ABCA1: variants seen among roughly 807,000 people sequenced by gnomAD.
The protein encoded by ABCA1 is phospholipid-transporting ATPase ABCA1.
In ABCA1, 133 loss-of-function variants were observed where a neutral mutation model predicts 262.5. The ratio of observed to expected loss-of-function variants is 0.51; its 90% CI spans 0.44 to 0.59. The LOEUF is 0.59. Among genes scored for constraint, ABCA1 ranks in the 20% least tolerant of loss-of-function variants. The pLI, the probability that ABCA1 is intolerant of heterozygous loss-of-function variation, is 0.00. For synonymous variants in ABCA1, 1,022 were observed against 1,043.5 expected (o/e 0.98, Z 0.40); for missense variants, 2,452 against 2,777.5 (o/e 0.88, Z 2.63).
intron 1 of ABCA1, among the ~76,000 whole-genome samples, chr9:104,920,096 T>A (rs72735013): frequency 0.03 from 4,579 of 152,322 alleles, 96 homozygotes; most frequent in Middle Eastern, 0.071. Context: ...TCAAGTAGTA[T>A]CATTTTACAG....
At chr9:104,874,838 G>T (rs1414915632) in intron 5 of ABCA1, among the ~76,000 whole-genome samples, 14 of 141,858 alleles carry the variant, frequency 9.9e-5, no homozygotes, top group African/African-American at 3.1e-4. Context: ...GCCAGCCCCC[G>T]CCCGGCCAGC....
chr9:104,867,370 G>A (rs186054535), intron 5 of ABCA1, among the ~76,000 whole-genome samples: 10 of 152,316 alleles, frequency 6.6e-5, no homozygotes, highest in Non-Finnish European at 1.5e-4. Flanking sequence ...TAAGGTGCCC[G>A]GTAAAGGATG....
Position 104,788,389 on chromosome 9 carries a change from C to G in ABCA1, c.6069+37G>C, listed in dbSNP as rs749478592. On this transcript the variant is annotated intron_variant, in intron 45 of 49. Coordinates refer to ENST00000374736, the MANE Select transcript of ABCA1 (RefSeq NM_005502.4). ...CATAAGGTATATATTGTCAGGATGC[C>G]AAAGGAGACAGGCTGGCTTTCAGGT... is the stretch of plus-strand genomic sequence containing the variant. The G allele has an allele frequency of 1.9e-6, 3 of 1,613,946 alleles. No individual in the cohort carries two copies. In the Admixed American group the frequency reaches 5.0e-5, roughly 27 times the overall value.
intron 11 of ABCA1, among the ~76,000 whole-genome samples, chr9:104,836,181 A>C (rs916469970): frequency 1.3e-5 from 2 of 152,230 alleles, no homozygotes; most frequent in African/African-American, 4.8e-5. Flanking sequence ...GGATCAGGGA[A>C]TAGTCCTAAA....
At position 104,794,505 on chromosome 9, in the gene ABCA1, C is replaced by G. The variant is rs1408164369; in HGVS notation, c.5388G>C (p.Leu1796=). The G allele has an allele frequency of 9.4e-7, 1 of 1,065,240 alleles. No homozygotes were observed. The highest frequency in any genetic ancestry group is 1.3e-6 in the Non-Finnish European group (1 of 747,022). The allele number at this position is 1,065,240 out of a possible 1,614,324, so 66.0% of individuals were successfully genotyped here. A position where few individuals can be genotyped will look rare whatever the true frequency, so the allele number is the denominator to read the frequency against. Residue 1796 remains leucine (L), a synonymous_variant, in exon 40 of 50, where the codon CTG becomes CTC. Coordinates refer to ENST00000374736, the MANE Select transcript of ABCA1 (RefSeq NM_005502.4). ...FVLELFTDNK[L]NNINDILKSV... ...ACTTCAGGATATCATTGATATTATT[C>G]AGCTTCTAAAAAAAAAAAAAAAAAA...
chr9:104,785,075 A>G (rs566775202), intron 49 of ABCA1, among the ~76,000 whole-genome samples: 1 of 152,352 alleles, frequency 6.6e-6, no homozygotes, highest in African/African-American at 2.4e-5. Flanking sequence ...CTTAAGTGTC[A>G]GGACCTATTT....
chr9:104,917,027 G>A (rs1261113287), intron 1 of ABCA1, among the ~76,000 whole-genome samples: 1 of 152,196 alleles, frequency 6.6e-6, no homozygotes, highest in Non-Finnish European at 1.5e-5. Flanking sequence ...TGGTAGGGGT[G>A]CAAACTGGGA....
In ABCA1 at chr9:104,841,202, G is replaced by A. The variant is rs189487058; in HGVS notation, c.814-683C>T. On this transcript the variant is annotated intron_variant, in intron 8 of 49. Coordinates refer to ENST00000374736, the MANE Select transcript of ABCA1 (RefSeq NM_005502.4). ...TGTAATCCCAGTACTTTGGGAGGTCGAGGCGGGTGGATCACCTGAGGTCAG... is the reference window on the plus strand; with the variant it reads ...TGTAATCCCAGTACTTTGGGAGGTCAAGGCGGGTGGATCACCTGAGGTCAG... 5.6e-3 allele frequency among the ~76,000 whole-genome samples: 851 copies of A among 152,174 alleles called. 2 individuals are homozygous for A. Among genetic ancestry groups the A allele is most frequent in the Non-Finnish European group, 8.3e-3 (565 of 68,004 alleles).
At chr9:104,865,883 C>G (rs961090875) in intron 5 of ABCA1, among the ~76,000 whole-genome samples, 12 of 152,122 alleles carry the variant, frequency 7.9e-5, no homozygotes, top group African/African-American at 2.9e-4. Context: ...TCCCTGCCTT[C>G]GAGGAACTTT....
chr9:104,922,873 C>T (rs767148604), intron 1 of ABCA1, among the ~76,000 whole-genome samples: 22 of 152,180 alleles, frequency 1.4e-4, no homozygotes, highest in Middle Eastern at 3.4e-3. Flanking sequence ...CCCACCACCA[C>T]GCCCAGCTAA....
chr9:104,840,465 T>A lies in ABCA1; in HGVS notation c.868A>T (p.Asn290Tyr). ...GTGGAGGAGCTGGAGCTGTTCACAT[T>A]GGTCAGAAACATCACCTCCTGTCGC... ...DMRQEVMFLT[N>Y]VNSSSSSTQI... The change falls in exon 9 of 50, where the codon AAT becomes TAT. Residue 290 changes from asparagine (N) to tyrosine (Y), a missense_variant. Physicochemically the swap from Asn to Tyr is moderately radical, Grantham distance 143 (BLOSUM62 -2). Coordinates refer to ENST00000374736, the MANE Select transcript of ABCA1 (RefSeq NM_005502.4). The A allele has an allele frequency of 6.2e-7, 1 of 1,614,134 alleles. No homozygotes were observed. Among genetic ancestry groups the A allele is most frequent in the Non-Finnish European group, 8.5e-7 (1 of 1,180,034 alleles).
chr9:104,788,469 A>T lies in ABCA1; in HGVS notation c.6026T>A (p.Phe2009Tyr). The T allele has an allele frequency of 6.2e-7, 1 of 1,614,154 alleles. No homozygotes were observed. Among genetic ancestry groups the T allele is most frequent in the Non-Finnish European group, 8.5e-7 (1 of 1,180,024 alleles). ...TGGGACTCCTCTCAAAAGGGCAAAG[A>T]ACTCCACGTGTTCTCTCCCAGTCAA... Reference protein sequence around the residue: ...ELLTGREHVEFFALLRGVPEK... With the variant: ...ELLTGREHVEYFALLRGVPEK... Residue 2009 changes from phenylalanine (F) to tyrosine (Y), a missense_variant, in exon 45 of 50, where the codon TTC (phenylalanine) becomes TAC (tyrosine). Transcript: ENST00000374736.
In ABCA1 at chr9:104,803,215, C is replaced by G. The variant is rs565153189; in HGVS notation, c.4592+69G>C. 4 of 1,556,352 alleles carry G rather than the reference C, an allele frequency of 2.6e-6. No individual in the cohort carries two copies. In the African/African-American group the frequency reaches 5.4e-5, roughly 21 times the overall value. On this transcript the variant is annotated intron_variant, in intron 33 of 49. Transcript: ENST00000374736. ...AGTGACAAACAATCCCCAAGGCTTT[C>G]TTCAATCCAAGACACCTACAACACC... is the stretch of plus-strand genomic sequence containing the variant.
At chr9:104,812,907 C>G (rs2118938232) in intron 27 of ABCA1, among the ~76,000 whole-genome samples, 185 bp from the exon 28 acceptor site, 1 of 152,360 alleles carries the variant, frequency 6.6e-6, no homozygotes, top group East Asian at 1.9e-4. Flanking sequence ...AAATGTCTAA[C>G]AGTAGCAGTC....
chr9:104,822,755 A>T, intron 18 of ABCA1, 88 bp from the exon 19 acceptor site: 1 of 1,487,560 alleles, frequency 6.7e-7, no homozygotes, highest in Non-Finnish European at 9.3e-7. Flanking sequence ...TTGAACTTTC[A>T]GAAGTGCCTT....
intron 5 of ABCA1, among the ~76,000 whole-genome samples, chr9:104,880,169 G>C (rs573789888): frequency 6.6e-6 from 1 of 152,162 alleles, no homozygotes; most frequent in Non-Finnish European, 1.5e-5. Context: ...CTCCAAACCA[G>C]ATCAGCTTCA....
intron 2 of ABCA1, among the ~76,000 whole-genome samples, chr9:104,893,466 T>TAATGA (rs1222902578): frequency 3.8e-5 from 4 of 106,394 alleles, no homozygotes; most frequent in African/African-American, 1.5e-4. Flanking sequence ...AAGAAAATAC[T>TAATGA]AATGAAATTA....
At chr9:104,859,816 C>T (rs1438040556) in intron 6 of ABCA1, among the ~76,000 whole-genome samples, 2 of 152,022 alleles carry the variant, frequency 1.3e-5, no homozygotes, top group Non-Finnish European at 2.9e-5. Context: ...TTTGGGAGGC[C>T]AAGGCAGACG....
intron 2 of ABCA1, among the ~76,000 whole-genome samples, chr9:104,894,203 C>T (rs973377458): frequency 1.3e-5 from 2 of 152,186 alleles, no homozygotes; most frequent in African/African-American, 4.8e-5. Context: ...CTTGCCAGCC[C>T]TGCTGAGCAC....
Sources: gnomAD v4.1 joint callset for allele counts (sites outside exome capture counted in the v4.1 genomes callset) on GRCh38, gnomAD v4.1.1 for gene constraint, MANE v1.5 for transcripts, NCBI Gene and HGNC (gene_info 2026-07-23, HGNC 2026-07-21) for gene names.